The following SAMHD1 variants were observed in gnomAD, a reference collection of about 807,000 sequenced individuals.
The protein encoded by SAMHD1 is SAM and HD domain containing deoxynucleoside triphosphate triphosphohydrolase 1, also known as deoxynucleoside triphosphate triphosphohydrolase SAMHD1.
In SAMHD1, 54 loss-of-function variants were observed where a neutral mutation model predicts 79.6. That is an observed-to-expected ratio of 0.68 (90% CI 0.55 to 0.85). The LOEUF (loss-of-function observed/expected upper bound fraction) is 0.85. Among genes scored for constraint, SAMHD1 ranks in the 40% least tolerant of loss-of-function variants. SAMHD1 has a pLI of 0.00. For synonymous variants in SAMHD1, 260 were observed against 264.1 expected (o/e 0.98, Z 0.15); for missense variants, 663 against 782.7 (o/e 0.85, Z 1.82).
chr20:36,894,096 G>A lies in SAMHD1; in HGVS notation c.1747-1030C>T, dbSNP rs45595436. ...CTCTCCTATCCTAGAGGTGGTAGCA[G>A]CTTCCTGCTGTTGAATCACTGTCCT... is the stretch of plus-strand genomic sequence containing the variant. On this transcript the variant is annotated intron_variant, in intron 15 of 15. Transcript: ENST00000646673. 8.5e-3 allele frequency: 3,361 copies of A among 396,336 alleles called. 29 individuals carry two copies. Among genetic ancestry groups the A allele is most frequent in the Non-Finnish European group, 0.012 (2,714 of 225,320 alleles). 24.6% of individuals were successfully genotyped at this position (396,336 alleles called of 1,614,324 possible). A position where few individuals can be genotyped will look rare whatever the true frequency, so the allele number is the denominator to read the frequency against.
chr20:36,948,288 G>A (rs904757290), intron 1 of SAMHD1, among the ~76,000 whole-genome samples: 5 of 150,566 alleles, frequency 3.3e-5, no homozygotes, highest in African/African-American at 9.8e-5. Context: ...AGTCTCACTC[G>A]GTCGCCCAGG....
chr20:36,942,741 G>T (rs950885434), intron 2 of SAMHD1, among the ~76,000 whole-genome samples: 1 of 151,868 alleles, frequency 6.6e-6, no homozygotes, highest in Non-Finnish European at 1.5e-5. Context: ...CCACCTCCCG[G>T]GTTCACGCCA....
In SAMHD1 at chr20:36,929,121, C is replaced by T. The variant is rs375503668; in HGVS notation, c.625+1639G>A. Among the ~76,000 whole-genome samples, 167 of 151,960 alleles carry T rather than the reference C, an allele frequency of 1.1e-3. 1 individual carries two copies. Among genetic ancestry groups the T allele is most frequent in the African/African-American group, 3.8e-3 (159 of 41,458 alleles). ...GGAAGTCTACCTAGACTAGCCTTGG[C>T]CCTGCTTTGCAAGTCACAGGCTACA... On this transcript the variant is annotated intron_variant, in intron 5 of 15. Coordinates refer to ENST00000646673, the MANE Select transcript of SAMHD1 (RefSeq NM_015474.4).
intron 3 of SAMHD1, 194 bp from the exon 4 acceptor site, chr20:36,935,383 T>G (rs1345595523): frequency 1.7e-6 from 1 of 586,660 alleles, no homozygotes; most frequent in Non-Finnish European, 3.0e-6. Context: ...TATATTGGAT[T>G]TGAGTATATT....
intron 3 of SAMHD1, 71 bp downstream of exon 3, chr20:36,940,968 A>C: frequency 8.4e-7 from 1 of 1,195,518 alleles, no homozygotes; most frequent in Non-Finnish European, 1.2e-6. Flanking sequence ...TATTCTCTTC[A>C]AAATGAATTT....
At chr20:36,934,818 C>A in intron 4 of SAMHD1, 1 of 482,984 alleles carries the variant, frequency 2.1e-6, no homozygotes, top group Non-Finnish European at 3.8e-6. Flanking sequence ...ACAATCATGT[C>A]TGGCTAATTT....
rs369976698 is a variant in SAMHD1 at position 36,928,284 on chromosome 20, G to A, written c.626-1032C>T. The stretch of plus-strand genomic sequence containing the variant: ...GGCACCTGTAGTCCCAGCTACTCGG[G>A]AGGCTGAGACAGGAGAATGGCGTGA... On this transcript the variant is annotated intron_variant, in intron 5 of 15. Transcript: ENST00000646673. 2.0e-4 allele frequency among the ~76,000 whole-genome samples: 30 copies of A among 152,236 alleles called. No homozygotes were observed. The East Asian group carries it at 4.6e-3, about 24-fold the overall frequency.
intron 11 of SAMHD1, 31 bp downstream of exon 11, chr20:36,911,187 T>C: frequency 7.7e-7 from 1 of 1,306,882 alleles, no homozygotes; most frequent in Non-Finnish European, 1.1e-6. Flanking sequence ...TTATCTGAGA[T>C]GGACCATCTA....
At chr20:36,927,441 C>T in intron 5 of SAMHD1, among the ~76,000 whole-genome samples, 189 bp from the exon 6 acceptor site, 1 of 151,436 alleles carries the variant, frequency 6.6e-6, no homozygotes. Flanking sequence ...CCTCAGGCTA[C>T]CGAGTAGCTG....
At chr20:36,931,044 A>C in intron 4 of SAMHD1, 169 bp from the exon 5 acceptor site, 1 of 651,324 alleles carries the variant, frequency 1.5e-6, no homozygotes, top group South Asian at 1.6e-5. Flanking sequence ...ACGGAATCCC[A>C]AAAGCAGGAC....
intron 5 of SAMHD1, among the ~76,000 whole-genome samples, chr20:36,928,109 A>C (rs1018906388): frequency 2.0e-5 from 3 of 152,166 alleles, no homozygotes; most frequent in African/African-American, 7.2e-5. Flanking sequence ...CACTAGGGCC[A>C]GGTGTGGTGG....
At chr20:36,902,141 T>C (rs888804233) in intron 13 of SAMHD1, among the ~76,000 whole-genome samples, 4 of 152,174 alleles carry the variant, frequency 2.6e-5, no homozygotes, top group African/African-American at 9.7e-5. Context: ...GTTGGAGTTC[T>C]GAGAGGAGGG....
chr20:36,924,601 A>G (rs1182005845), intron 6 of SAMHD1, among the ~76,000 whole-genome samples: 2 of 152,178 alleles, frequency 1.3e-5, no homozygotes, highest in Non-Finnish European at 2.9e-5. Context: ...GGCATCCCAC[A>G]TAACAGCTGG....
rs199721283 is a variant in SAMHD1 at position 36,951,653 on chromosome 20, T to C, written c.-10A>G. The C allele has an allele frequency of 2.7e-4, 429 of 1,612,730 alleles. No homozygotes were observed. Among genetic ancestry groups the C allele is most frequent in the Non-Finnish European group, 2.2e-4 (258 of 1,179,982 alleles). On this transcript the variant is annotated 5_prime_UTR_variant, in exon 1 of 16. Coordinates refer to ENST00000646673, the MANE Select transcript of SAMHD1 (RefSeq NM_015474.4). ...AATCGGCTCGCTGCATGGCTACACC[T>C]GGCGTCCGGCACAGCAGTCAAGAAC...
chr20:36,894,120 C>T (rs1990148625), intron 15 of SAMHD1: 1 of 395,884 alleles, frequency 2.5e-6, no homozygotes, highest in African/African-American at 2.1e-5. Flanking sequence ...AATCACTGTC[C>T]TCTATGCTCA....
At chr20:36,938,548 A>G (rs1383844554) in intron 3 of SAMHD1, among the ~76,000 whole-genome samples, 1 of 150,242 alleles carries the variant, frequency 6.7e-6, no homozygotes, top group Non-Finnish European at 1.5e-5. Flanking sequence ...TCAAAACAAC[A>G]AAACAGGGAC....
Position 36,931,888 on chromosome 20 carries a change from T to C in SAMHD1, c.510-1013A>G, listed in dbSNP as rs1259245140. Among the ~76,000 whole-genome samples, 4 of 151,688 alleles carry C rather than the reference T, an allele frequency of 2.6e-5. No homozygotes were observed. In the East Asian group the frequency reaches 5.8e-4, roughly 22 times the overall value. On this transcript the variant is annotated intron_variant, in intron 4 of 15. Coordinates refer to ENST00000646673, the MANE Select transcript of SAMHD1 (RefSeq NM_015474.4). ...ACACATGCTACAACATAGATGAACTTTGAGGAAATTATGCTAAGTGAAATA... is the reference window on the plus strand; with the variant it reads ...ACACATGCTACAACATAGATGAACTCTGAGGAAATTATGCTAAGTGAAATA...
Position 36,897,859 on chromosome 20 carries a change from A to G in SAMHD1, c.1709T>C (p.Val570Ala). 6.2e-7 allele frequency: 1 copy of G among 1,614,220 alleles called. No individual in the cohort carries two copies. Among genetic ancestry groups the G allele is most frequent in the Non-Finnish European group, 8.5e-7 (1 of 1,180,038 alleles). ...KSLYAARQYF[V>A]QWCADRNFTK... ...GAAATTTCTGTCTGCACACCACTGAACAAAATATTGTCTTGCGGCATACAA... is the reference window on the plus strand; with the variant it reads ...GAAATTTCTGTCTGCACACCACTGAGCAAAATATTGTCTTGCGGCATACAA... Residue 570 changes from valine to alanine, a missense_variant, in exon 15 of 16, where the codon GTT (valine) becomes GCT (alanine). Val to Ala is a moderately conservative substitution (Grantham distance 64). Coordinates refer to ENST00000646673, the MANE Select transcript of SAMHD1 (RefSeq NM_015474.4).
chr20:36,896,457 A>G (rs1209036633), intron 15 of SAMHD1, among the ~76,000 whole-genome samples: 3 of 152,192 alleles, frequency 2.0e-5, no homozygotes, highest in Non-Finnish European at 4.4e-5. Flanking sequence ...TCCCCACTGT[A>G]CAGAGAAAAA....
Sources: allele counts gnomAD v4.1 joint callset (sites outside exome capture counted in the v4.1 genomes callset), GRCh38; gene constraint gnomAD v4.1.1; transcripts MANE v1.5; gene names NCBI Gene and HGNC (gene_info 2026-07-23, HGNC 2026-07-21).